The following ZNF423 variants were observed in gnomAD, a reference collection of about 807,000 sequenced individuals.
ZNF423 encodes the protein Ebf-associated zinc finger protein.
In ZNF423, 12 loss-of-function variants were observed where a neutral mutation model predicts 95.8. That is an observed-to-expected ratio of 0.13 (90% CI 0.08 to 0.20). The LOEUF (loss-of-function observed/expected upper bound fraction) is 0.20. ZNF423 is among the 10% of genes least tolerant of loss of function. The probability of loss-of-function intolerance (pLI) is 1.00; values close to 1 mark genes in which losing one functional copy is unlikely to be tolerated. For synonymous variants in ZNF423, 749 were observed against 711.9 expected (o/e 1.05, Z -0.83); for missense variants, 1,316 against 1,737.1 (o/e 0.76, Z 4.31).
At chr16:49,681,578 C>G (rs2151937745) in intron 3 of ZNF423, among the ~76,000 whole-genome samples, 1 of 152,290 alleles carries the variant, frequency 6.6e-6, no homozygotes, top group African/African-American at 2.4e-5. Flanking sequence ...AATGAGACCT[C>G]AGGCCGGATC....
intron 3 of ZNF423, among the ~76,000 whole-genome samples, chr16:49,668,734 C>T (rs1232996544): frequency 6.6e-6 from 1 of 152,150 alleles, no homozygotes; most frequent in South Asian, 2.1e-4. Context: ...TGCAGGCTCT[C>T]CCAGCCCCAC....
rs533478077 is a variant in ZNF423, at chr16:49,579,774, G to C, written c.3601+46396C>G. Among the ~76,000 whole-genome samples, 4 of 152,256 alleles carry C rather than the reference G, an allele frequency of 2.6e-5. No homozygotes were observed. The South Asian group carries it at 8.3e-4, about 32-fold the overall frequency. On this transcript the variant is annotated intron_variant, in intron 5 of 7. Coordinates refer to ENST00000563137, the MANE Select transcript of ZNF423 (RefSeq NM_001379286.1). The stretch of plus-strand genomic sequence containing the variant: ...TTTGGGGAAAGAAGAAGACACCCCA[G>C]GTAGTCAGTCCTGCGAGATGACCTC...
At chr16:49,674,657 G>A (rs749877084) in intron 3 of ZNF423, among the ~76,000 whole-genome samples, 1 of 152,204 alleles carries the variant, frequency 6.6e-6, no homozygotes, top group Non-Finnish European at 1.5e-5. Context: ...CAAAGTGAAG[G>A]CACAGACCAA....
chr16:49,683,635 C>G (rs568006263), intron 3 of ZNF423, among the ~76,000 whole-genome samples: 1 of 152,208 alleles, frequency 6.6e-6, no homozygotes, highest in South Asian at 2.1e-4. Context: ...AAAAAGAAAC[C>G]GGGAGGAAGA....
chr16:49,779,928 T>C (rs1011053241), intron 2 of ZNF423, among the ~76,000 whole-genome samples: 1 of 152,262 alleles, frequency 6.6e-6, no homozygotes, highest in East Asian at 1.9e-4. Context: ...CTGGGGCAGA[T>C]GGTCCCAAAT....
chr16:49,793,055 A>G (rs2034441164), intron 1 of ZNF423, among the ~76,000 whole-genome samples: 1 of 152,144 alleles, frequency 6.6e-6, no homozygotes, highest in Admixed American at 6.5e-5. Context: ...GGCATGAGCC[A>G]CCACGCCTGG....
At chr16:49,776,544 C>T (rs2034123841) in intron 2 of ZNF423, among the ~76,000 whole-genome samples, 1 of 152,256 alleles carries the variant, frequency 6.6e-6, no homozygotes, top group Non-Finnish European at 1.5e-5. Flanking sequence ...CCCCAACCTG[C>T]AGCTGTCCAG....
rs148173134 is a variant in ZNF423 at position 49,635,798 on chromosome 16, G to A, written c.3378C>T (p.Ala1126=). ...APPEPADRPC[A]GLRCPECSVK... ...CACTGCACTCGGGGCAACGGAGGCC[G>A]GCACAGGGCCGGTCGGCGGGCTCGG... The change falls in exon 4 of 8, where the codon GCC becomes GCT. Residue 1126 remains alanine (A), a synonymous_variant. Transcript: ENST00000563137. This position sits in a 1 kb window ranked among gnomAD's most constrained non-coding sequence, Gnocchi z 4.8. 2.8e-5 allele frequency: 45 copies of A among 1,611,940 alleles called. No homozygotes were observed. Among genetic ancestry groups the A allele is most frequent in the African/African-American group, 2.4e-4 (18 of 75,026 alleles).
At chr16:49,652,110 G>A (rs1055886534) in intron 3 of ZNF423, among the ~76,000 whole-genome samples, 3 of 151,952 alleles carry the variant, frequency 2.0e-5, no homozygotes, top group African/African-American at 7.3e-5. Context: ...GGGTCCCTCA[G>A]CTCATGGTGG....
chr16:49,688,515 G>A (rs75112481), intron 3 of ZNF423, among the ~76,000 whole-genome samples: 105 of 152,316 alleles, frequency 6.9e-4, no homozygotes, highest in Non-Finnish European at 1.0e-3. Flanking sequence ...CAGCCCGGGC[G>A]GCTCCCCCGG....
intron 5 of ZNF423, among the ~76,000 whole-genome samples, chr16:49,609,503 A>G (rs76325216): frequency 0.023 from 3,568 of 152,320 alleles, 136 homozygotes; most frequent in African/African-American, 0.08. Flanking sequence ...AAAGAAGTCC[A>G]GCAAAGACCT....
chr16:49,630,079 C>A (rs1972447745), intron 4 of ZNF423, among the ~76,000 whole-genome samples: 1 of 152,104 alleles, frequency 6.6e-6, no homozygotes, highest in Non-Finnish European at 1.5e-5. Flanking sequence ...AGGCCACAGC[C>A]TGGGGCCCAG....
chr16:49,644,751 C>T (rs1973115651), intron 3 of ZNF423, among the ~76,000 whole-genome samples: 1 of 148,340 alleles, frequency 6.7e-6, no homozygotes, highest in African/African-American at 2.5e-5. Context: ...ATAAGGTTTC[C>T]ATCCCAGTCC....
chr16:49,525,268 G>A, intron 6 of ZNF423, 95 bp downstream of exon 6: 1 of 1,547,854 alleles, frequency 6.5e-7, no homozygotes, highest in South Asian at 1.2e-5. Flanking sequence ...GCCTGCCAAG[G>A]AAAGAGGAAG....
intron 3 of ZNF423, among the ~76,000 whole-genome samples, chr16:49,658,596 G>A (rs1308690721): frequency 6.6e-6 from 1 of 152,242 alleles, no homozygotes; most frequent in Non-Finnish European, 1.5e-5. Context: ...AGATGAAAAC[G>A]ACTCATCAGG....
rs116226316 is a variant in ZNF423, at chr16:49,598,525, G to A, written c.3601+27645C>T. Among the ~76,000 whole-genome samples, 485 of 152,320 alleles carry A rather than the reference G, an allele frequency of 3.2e-3. 4 individuals carry two copies. Among genetic ancestry groups the A allele is most frequent in the African/African-American group, 0.011 (460 of 41,576 alleles). On this transcript the variant is annotated intron_variant, in intron 5 of 7. Coordinates refer to ENST00000563137, the MANE Select transcript of ZNF423 (RefSeq NM_001379286.1). ...GAAAACCTGTGTAGAGGAGAAAGGG[G>A]GCTGCCTGGAGATTTGTGGGCCCTC...
chr16:49,684,452 T>A (rs949939832), intron 3 of ZNF423, among the ~76,000 whole-genome samples: 1 of 152,190 alleles, frequency 6.6e-6, no homozygotes, highest in Non-Finnish European at 1.5e-5. Flanking sequence ...ATTAATTAAA[T>A]GTTGAATGGT....
chr16:49,828,321 A>G (rs932927084), intron 1 of ZNF423, among the ~76,000 whole-genome samples: 1 of 152,152 alleles, frequency 6.6e-6, no homozygotes, highest in Non-Finnish European at 1.5e-5. Flanking sequence ...AGAACATAAT[A>G]TTTTCCTTGG....
intron 7 of ZNF423, among the ~76,000 whole-genome samples, chr16:49,498,346 C>T (rs888670524): frequency 6.6e-6 from 1 of 152,238 alleles, no homozygotes; most frequent in Non-Finnish European, 1.5e-5. Flanking sequence ...TCTTCACCAC[C>T]ACACTGTTCT....
Sources: allele counts gnomAD v4.1 joint callset (sites outside exome capture counted in the v4.1 genomes callset), GRCh38; gene constraint gnomAD v4.1.1; non-coding constraint Gnocchi (gnomAD v3.1); transcripts MANE v1.5; gene names NCBI Gene and HGNC (gene_info 2026-07-23, HGNC 2026-07-21).